The following GRID1 variants were observed in gnomAD, a reference collection of about 807,000 sequenced individuals.
The protein encoded by GRID1 is glutamate ionotropic receptor delta type subunit 1.
A neutral mutation model predicts 98.0 loss-of-function variants in GRID1; 28 were observed. The observed-to-expected ratio is 0.29, with a 90% CI of 0.21 to 0.39. The LOEUF is 0.39. Among genes scored for constraint, GRID1 ranks in the 10% least tolerant of loss-of-function variants. The probability of loss-of-function intolerance (pLI) is 1.00; values close to 1 mark genes in which losing one functional copy is unlikely to be tolerated. For synonymous variants in GRID1, 553 were observed against 538.5 expected, an observed-to-expected ratio of 1.03 and a Z score of -0.37; for missense variants, 1,111 against 1,340.5, an observed-to-expected ratio of 0.83 and a Z score of 2.67.
chr10:86,269,661 G>GC (rs1410145216), intron 2 of GRID1, among the ~76,000 whole-genome samples: 2 of 152,136 alleles, frequency 1.3e-5, no homozygotes, highest in South Asian at 4.1e-4. Flanking sequence ...CTTTCCTCAG[G>GC]CCCCATCTAG....
chr10:86,190,044 T>G (rs989182079), intron 3 of GRID1, among the ~76,000 whole-genome samples: 10 of 152,086 alleles, frequency 6.6e-5, no homozygotes, highest in Non-Finnish European at 1.0e-4. Flanking sequence ...CAAAACCCAG[T>G]GCAAGTCCAC....
At chr10:86,210,771 T>C (rs1317355532) in intron 2 of GRID1, among the ~76,000 whole-genome samples, 1 of 152,240 alleles carries the variant, frequency 6.6e-6, no homozygotes, top group Non-Finnish European at 1.5e-5. Context: ...GGCCTGCTAA[T>C]TGGGGCACTG....
chr10:86,147,548 C>T (rs1391004356), intron 3 of GRID1, among the ~76,000 whole-genome samples: 1 of 152,144 alleles, frequency 6.6e-6, no homozygotes, highest in African/African-American at 2.4e-5. Flanking sequence ...ACACATACAA[C>T]CATCTGATCT....
At chr10:86,066,321 G>A (rs1366450567) in intron 4 of GRID1, among the ~76,000 whole-genome samples, 3 of 152,188 alleles carry the variant, frequency 2.0e-5, no homozygotes, top group Non-Finnish European at 4.4e-5. Context: ...CCCAAGCTGG[G>A]AGTTGAAATC....
chr10:85,799,375 A>C (rs1324009173), intron 8 of GRID1, among the ~76,000 whole-genome samples: 2 of 152,150 alleles, frequency 1.3e-5, no homozygotes, highest in African/African-American at 4.8e-5. Context: ...CTATATATGA[A>C]AAATGATTAT....
intron 4 of GRID1, among the ~76,000 whole-genome samples, chr10:85,961,557 CTCCTTCCTTCTTTCCT>C (rs1564636304): frequency 6.7e-6 from 1 of 150,250 alleles, no homozygotes; most frequent in Non-Finnish European, 1.5e-5. Context: ...CTTCCCTTTC[CTCCTTCCTTCTTTCCT>C]TCCTTCCTTT....
chr10:86,015,226 C>T (rs1433211637), intron 4 of GRID1, among the ~76,000 whole-genome samples: 1 of 152,182 alleles, frequency 6.6e-6, no homozygotes, highest in East Asian at 1.9e-4. Context: ...ATAGCAGGTG[C>T]TCAAAAATAT....
chr10:85,670,548 A>G (rs1394516503), intron 12 of GRID1, among the ~76,000 whole-genome samples: 1 of 152,196 alleles, frequency 6.6e-6, no homozygotes, highest in African/African-American at 2.4e-5. Flanking sequence ...ACATGAAGGC[A>G]CAGTCTCTTT....
intron 4 of GRID1, among the ~76,000 whole-genome samples, chr10:85,952,240 G>A (rs1446761648): frequency 6.6e-6 from 1 of 152,130 alleles, no homozygotes; most frequent in East Asian, 1.9e-4. Flanking sequence ...AAACAAAGAG[G>A]GGCACATGTT....
rs192892476 is a variant in GRID1 at position 85,895,226 on chromosome 10, T to A, written c.780+20960A>T. On this transcript the variant is annotated intron_variant, in intron 5 of 15. Transcript: ENST00000327946. Reference sequence around the variant, plus strand: ...CCTGAATCCATCTCACCACCTCCATTTGAACCATCCTGGTCCACATCCCAT... The same window carrying A: ...CCTGAATCCATCTCACCACCTCCATATGAACCATCCTGGTCCACATCCCAT... 2.2e-3 allele frequency among the ~76,000 whole-genome samples: 339 copies of A among 151,682 alleles called. 3 individuals are homozygous for A. The highest frequency in any genetic ancestry group is 7.7e-3 in the African/African-American group (319 of 41,368).
At chr10:86,261,195 A>G (rs1327815549) in intron 2 of GRID1, among the ~76,000 whole-genome samples, 3 of 152,238 alleles carry the variant, frequency 2.0e-5, no homozygotes, top group Non-Finnish European at 4.4e-5. Flanking sequence ...TGAGGCTTAC[A>G]CAAGTTATGT....
intron 2 of GRID1, among the ~76,000 whole-genome samples, chr10:86,333,872 G>T (rs527319638): frequency 6.6e-6 from 1 of 152,276 alleles, no homozygotes; most frequent in Non-Finnish European, 1.5e-5. Flanking sequence ...CTATCTCAGG[G>T]TTGGGAGAGG....
Position 85,638,812 on chromosome 10 carries a change from C to T in GRID1, c.2193+8390G>A, listed in dbSNP as rs148322939. Among the ~76,000 whole-genome samples the T allele has an allele frequency of 2.2e-3, 335 of 152,072 alleles. 2 individuals carry two copies. The highest frequency in any genetic ancestry group is 7.4e-3 in the African/African-American group (307 of 41,472). ...TTATGAAAGAAGATACATGGATGGC[C>T]AATAAGCACATGAAAAAATGCTCAG... On this transcript the variant is annotated intron_variant, in intron 13 of 15. Transcript: ENST00000327946.
chr10:86,018,052 C>T (rs1431204221), intron 4 of GRID1, among the ~76,000 whole-genome samples: 1 of 152,210 alleles, frequency 6.6e-6, no homozygotes, highest in Non-Finnish European at 1.5e-5. Flanking sequence ...CCAGGCACTT[C>T]ACACCCAGCT....
chr10:86,195,813 AC>A lies in GRID1; in HGVS notation c.520+10550del, dbSNP rs891463233. Among the ~76,000 whole-genome samples the A allele has an allele frequency of 3.5e-4, 54 of 152,262 alleles. No individual in the cohort carries two copies. The Middle Eastern group carries it at 0.02, about 58-fold the overall frequency. ...ACTCCCAGAGCCTTCCACAGAAAAT[AC>A]GGGGCAGGCAGCTGCCACCTGGATC... On this transcript the variant is annotated intron_variant, in intron 3 of 15. Coordinates refer to ENST00000327946, the MANE Select transcript of GRID1 (RefSeq NM_017551.3). This position sits in a 1 kb window ranked among gnomAD's most constrained non-coding sequence, Gnocchi z 4.4.
rs1262229276 is a variant in GRID1 at position 85,634,287 on chromosome 10, TCTCTCACA to T, written c.2193+12907_2193+12914del. Among the ~76,000 whole-genome samples, 240 of 129,302 alleles carry T rather than the reference TCTCTCACA, an allele frequency of 1.9e-3. 2 individuals carry two copies. The highest frequency in any genetic ancestry group is 4.5e-3 in the African/African-American group (144 of 32,226). The allele number at this position is 129,302 out of a possible 152,430, so 84.8% of individuals were successfully genotyped here. Reference sequence around the variant, plus strand: ...CTCTCTCTCTCTCTCTCTCTCTCTCTCTCTCACACACACACACACACACACACAGACTA... The same window carrying T: ...CTCTCTCTCTCTCTCTCTCTCTCTCTCACACACACACACACACACAGACTA... On this transcript the variant is annotated intron_variant, in intron 13 of 15. Transcript: ENST00000327946.
intron 4 of GRID1, among the ~76,000 whole-genome samples, chr10:86,087,981 T>C (rs1387807672): frequency 6.6e-6 from 1 of 152,244 alleles, no homozygotes; most frequent in African/African-American, 2.4e-5. Context: ...AGGAACTGTC[T>C]GCAGAGCTCC....
chr10:85,856,325 G>T, intron 6 of GRID1, 135 bp from the exon 7 acceptor site: 1 of 761,508 alleles, frequency 1.3e-6, no homozygotes, highest in Non-Finnish European at 2.1e-6. Flanking sequence ...CAAGATCCTC[G>T]GCTTTTAGGT....
chr10:86,115,235 T>C (rs922249849), intron 4 of GRID1, among the ~76,000 whole-genome samples: 3 of 152,200 alleles, frequency 2.0e-5, no homozygotes, highest in Admixed American at 6.5e-5. Context: ...CAGTAAAGGA[T>C]TGCTTTGCAT....
Sources: allele counts gnomAD v4.1 joint callset (sites outside exome capture counted in the v4.1 genomes callset), GRCh38; gene constraint gnomAD v4.1.1; non-coding constraint Gnocchi (gnomAD v3.1); transcripts MANE v1.5; gene names NCBI Gene and HGNC (gene_info 2026-07-23, HGNC 2026-07-21).